ATG13: variants seen among roughly 807,000 people sequenced by gnomAD.
ATG13 encodes autophagy-related protein 13.
In ATG13, 23 loss-of-function variants were observed where a neutral mutation model predicts 65.5. That is an observed-to-expected ratio of 0.35 (90% CI 0.25 to 0.50). ATG13 has a LOEUF of 0.50. Ranked by LOEUF, ATG13 falls within the 20% of genes least tolerant of loss-of-function variation. ATG13 has a pLI of 0.98. For missense variants in ATG13, 566 were observed against 677.0 expected, an observed-to-expected ratio of 0.84 and a Z score of 1.82; for synonymous variants, 252 against 245.2, an observed-to-expected ratio of 1.03 and a Z score of -0.26.
chr11:46,630,309 A>G (rs986992431), intron 2 of ATG13, among the ~76,000 whole-genome samples: 4 of 152,192 alleles, frequency 2.6e-5, no homozygotes, highest in African/African-American at 9.6e-5. Context: ...AAGTTGGAAC[A>G]GGAAGTGAAC....
chr11:46,647,322 G>A (rs116206977), intron 5 of ATG13, among the ~76,000 whole-genome samples: 5 of 144,408 alleles, frequency 3.5e-5, no homozygotes, highest in South Asian at 2.3e-4. Flanking sequence ...GAGTCGCGTA[G>A]GTTGGAGCGC....
At chr11:46,633,026 A>ATATATATAT (rs1212138126) in intron 2 of ATG13, among the ~76,000 whole-genome samples, 5 of 90,710 alleles carry the variant, frequency 5.5e-5, no homozygotes, top group East Asian at 2.7e-4. Flanking sequence ...ATATATATAT[A>ATATATATAT]TTTTTTTTTT....
At chr11:46,621,760 G>A (rs2047577026) in intron 1 of ATG13, among the ~76,000 whole-genome samples, 1 of 151,918 alleles carries the variant, frequency 6.6e-6, no homozygotes, top group Admixed American at 6.6e-5. Flanking sequence ...AGGGTACAGG[G>A]CTTTTACCTA....
chr11:46,660,752 A>C (rs1389830799), intron 11 of ATG13, among the ~76,000 whole-genome samples: 1 of 149,914 alleles, frequency 6.7e-6, no homozygotes, highest in Non-Finnish European at 1.5e-5. Context: ...TCTGTTACTC[A>C]GGCTGGAGTG....
intron 14 of ATG13, among the ~76,000 whole-genome samples, chr11:46,666,048 C>A (rs1005241781): frequency 3.3e-5 from 5 of 152,264 alleles, no homozygotes; most frequent in Non-Finnish European, 5.9e-5. Flanking sequence ...TTCCAGTGAT[C>A]CTCCCGCCTT....
At chr11:46,649,385 A>C (rs922724592) in intron 6 of ATG13, among the ~76,000 whole-genome samples, 4 of 152,264 alleles carry the variant, frequency 2.6e-5, no homozygotes, top group African/African-American at 9.6e-5. Context: ...ACATCAGTCC[A>C]GAGAGACTCA....
chr11:46,625,032 A>G (rs1277417272), intron 1 of ATG13, among the ~76,000 whole-genome samples: 2 of 151,920 alleles, frequency 1.3e-5, no homozygotes. Flanking sequence ...TAATCAACTC[A>G]TTCACAAGGC....
intron 7 of ATG13, 66 bp from the exon 8 acceptor site, chr11:46,656,167 T>C (rs1024045150): frequency 7.0e-7 from 1 of 1,421,168 alleles, no homozygotes; most frequent in African/African-American, 1.4e-5. Flanking sequence ...TTTCTACGTG[T>C]TTTGGCTATA....
intron 18 of ATG13, among the ~76,000 whole-genome samples, chr11:46,671,137 C>G (rs531681392): frequency 1.7e-4 from 26 of 152,296 alleles, no homozygotes; most frequent in Middle Eastern, 3.4e-3. Context: ...AGGCCTCCCT[C>G]TCCTTTCAGG....
chr11:46,646,506 C>T (rs2057589168), intron 5 of ATG13, among the ~76,000 whole-genome samples: 1 of 151,762 alleles, frequency 6.6e-6, no homozygotes, highest in African/African-American at 2.4e-5. Flanking sequence ...TCTTGTTGCC[C>T]AGGCTGGAGT....
At chr11:46,671,223 C>T (rs954650037) in intron 18 of ATG13, among the ~76,000 whole-genome samples, 5 of 152,214 alleles carry the variant, frequency 3.3e-5, no homozygotes, top group African/African-American at 9.7e-5. Context: ...AGACTCTCCA[C>T]GCTCCCTTGT....
chr11:46,663,960 TTTTG>T, intron 11 of ATG13, 33 bp from the exon 12 acceptor site: 2 of 1,243,392 alleles, frequency 1.6e-6, no homozygotes, highest in Non-Finnish European at 2.2e-6. Context: ...TTTTTTTTTT[TTTTG>T]TTTCTCCTGT....
intron 1 of ATG13, among the ~76,000 whole-genome samples, chr11:46,623,934 C>G (rs75536616): frequency 7.3e-6 from 1 of 136,280 alleles, no homozygotes; most frequent in African/African-American, 2.7e-5. Context: ...TTTTTTTTTT[C>G]TGAACCCTTC....
chr11:46,639,428 G>A (rs546645780), intron 2 of ATG13, among the ~76,000 whole-genome samples: 1 of 152,268 alleles, frequency 6.6e-6, no homozygotes, highest in Admixed American at 6.5e-5. Flanking sequence ...TGACTCATTA[G>A]TGTAGATAGT....
intron 18 of ATG13, 73 bp downstream of exon 18, chr11:46,669,605 C>G: frequency 6.6e-7 from 1 of 1,526,228 alleles, no homozygotes; most frequent in Non-Finnish European, 9.0e-7. Flanking sequence ...GCCTAGGAGG[C>G]CTACCACCTT....
At chr11:46,636,563 A>C (rs2054053043) in intron 2 of ATG13, among the ~76,000 whole-genome samples, 1 of 149,256 alleles carries the variant, frequency 6.7e-6, no homozygotes, top group South Asian at 2.1e-4. Context: ...GTCTCAAAAA[A>C]AAAAAAAAAA....
rs143570428 is a variant in ATG13 at position 46,672,299 on chromosome 11, C to A, written c.1620C>A (p.Arg540=). ...EKLAVHEKNV[R]EFDAFVETLQ ...TGGCTGTGCATGAGAAGAATGTCCG[C>A]GAGTTTGATGCCTTTGTGGAAACCC... Residue 540 remains arginine (R), a synonymous_variant, in exon 19 of 19, where the codon CGC becomes CGA. Transcript: ENST00000683050. 6.2e-7 allele frequency: 1 copy of A among 1,614,240 alleles called. No individual in the cohort carries two copies.
chr11:46,646,532 T>C (rs2057598942), intron 5 of ATG13, among the ~76,000 whole-genome samples: 1 of 151,980 alleles, frequency 6.6e-6, no homozygotes, highest in Non-Finnish European at 1.5e-5. Context: ...GGCACGATCT[T>C]GACTCACTCC....
chr11:46,659,731 A>ACAT, intron 11 of ATG13: 3 of 353,386 alleles, frequency 8.5e-6, no homozygotes, highest in Non-Finnish European at 1.5e-5. Flanking sequence ...ATTCCCTAGA[A>ACAT]CATCAGTCAC....
Sources: allele counts gnomAD v4.1 joint callset (sites outside exome capture counted in the v4.1 genomes callset), GRCh38; gene constraint gnomAD v4.1.1; transcripts MANE v1.5; gene names NCBI Gene and HGNC (gene_info 2026-07-23, HGNC 2026-07-21).